The following CDK8 variants were observed in gnomAD, a reference collection of about 807,000 sequenced individuals.
CDK8 encodes cyclin dependent kinase 8.
Under a neutral mutation model 71.5 loss-of-function variants are expected in CDK8, and 29 were observed. The ratio of observed to expected loss-of-function variants is 0.41; its 90% CI spans 0.30 to 0.55. The LOEUF is 0.55. CDK8 is among the 20% of genes least tolerant of loss of function. The pLI is 0.37. For synonymous variants in CDK8, 161 were observed against 192.1 expected (o/e 0.84, Z 1.34); for missense variants, 288 against 572.6 (o/e 0.50, Z 5.07).
intron 1 of CDK8, among the ~76,000 whole-genome samples, chr13:26,320,610 A>G (rs1299892538): frequency 6.6e-6 from 1 of 152,168 alleles, no homozygotes; most frequent in Non-Finnish European, 1.5e-5. Context: ...ATGGGAGAAA[A>G]TATTTCCAAA....
chr13:26,330,401 CA>C (rs1875257625), intron 1 of CDK8, among the ~76,000 whole-genome samples: 1 of 152,122 alleles, frequency 6.6e-6, no homozygotes, highest in African/African-American at 2.4e-5. Flanking sequence ...GGCAGGGTTT[CA>C]CCATGTTGGC....
chr13:26,322,287 A>G (rs1874811137), intron 1 of CDK8, among the ~76,000 whole-genome samples: 1 of 152,186 alleles, frequency 6.6e-6, no homozygotes. Flanking sequence ...TCAAATAGAA[A>G]AGGTTAATAT....
chr13:26,372,725 TAA>T (rs1290951282), intron 4 of CDK8, among the ~76,000 whole-genome samples: 1 of 152,200 alleles, frequency 6.6e-6, no homozygotes, highest in African/African-American at 2.4e-5. Flanking sequence ...ACTGCTAATA[TAA>T]AGTCTCAGTT....
At chr13:26,390,663 T>G (rs1463317088) in intron 6 of CDK8, among the ~76,000 whole-genome samples, 1 of 152,220 alleles carries the variant, frequency 6.6e-6, no homozygotes, top group Non-Finnish European at 1.5e-5. Context: ...AATAGCTGCA[T>G]GGCCACTAAA....
intron 1 of CDK8, among the ~76,000 whole-genome samples, chr13:26,305,588 G>A (rs1310224125): frequency 6.6e-6 from 1 of 151,360 alleles, no homozygotes; most frequent in African/African-American, 2.4e-5. Flanking sequence ...ATGTATATTC[G>A]CCCTTCTTAT....
chr13:26,290,309 A>G (rs1873235171), intron 1 of CDK8, among the ~76,000 whole-genome samples: 1 of 152,210 alleles, frequency 6.6e-6, no homozygotes, highest in Non-Finnish European at 1.5e-5. Flanking sequence ...TTTATTATTA[A>G]TTTATCAAGC....
chr13:26,312,204 C>T (rs536584803), intron 1 of CDK8, among the ~76,000 whole-genome samples: 15 of 152,046 alleles, frequency 9.9e-5, no homozygotes, highest in Non-Finnish European at 1.9e-4. Context: ...GGATTGTAAA[C>T]GCACCAATCA....
chr13:26,285,144 C>T (rs1337580068), intron 1 of CDK8, among the ~76,000 whole-genome samples: 1 of 152,112 alleles, frequency 6.6e-6, no homozygotes, highest in African/African-American at 2.4e-5. Context: ...GAGGCTGAGG[C>T]AGGAGAATCG....
At chr13:26,302,234 G>C (rs140814761) in intron 1 of CDK8, among the ~76,000 whole-genome samples, 195 of 152,296 alleles carry the variant, frequency 1.3e-3, no homozygotes, top group African/African-American at 3.7e-3. Context: ...CTGAATTAAA[G>C]ACTTCAGTCG....
At chr13:26,280,573 A>G (rs1163927871) in intron 1 of CDK8, among the ~76,000 whole-genome samples, 1 of 152,240 alleles carries the variant, frequency 6.6e-6, no homozygotes, top group Non-Finnish European at 1.5e-5. Flanking sequence ...CTGAAAAATA[A>G]TGAATGTCAG....
chr13:26,362,620 T>C (rs1406450071), intron 4 of CDK8, among the ~76,000 whole-genome samples: 1 of 152,162 alleles, frequency 6.6e-6, no homozygotes. Context: ...CCTAATAAGA[T>C]GGTGTCCATC....
intron 1 of CDK8, among the ~76,000 whole-genome samples, chr13:26,300,703 A>G (rs1161767694): frequency 2.0e-5 from 3 of 152,198 alleles, no homozygotes; most frequent in African/African-American, 7.2e-5. Flanking sequence ...TTGAGGTACT[A>G]GTTGAGGACT....
intron 1 of CDK8, among the ~76,000 whole-genome samples, chr13:26,308,194 C>T (rs1345681657): frequency 6.6e-6 from 1 of 152,172 alleles, no homozygotes; most frequent in African/African-American, 2.4e-5. Flanking sequence ...AAAGTTCAGT[C>T]CCTCAGTCAC....
intron 1 of CDK8, among the ~76,000 whole-genome samples, chr13:26,330,672 C>T (rs959231258): frequency 2.6e-5 from 4 of 151,988 alleles, no homozygotes; most frequent in African/African-American, 9.7e-5. Context: ...TGAGAACGTG[C>T]AATATTTGTC....
At chr13:26,386,099 C>T (rs1275212832) in intron 6 of CDK8, among the ~76,000 whole-genome samples, 2 of 152,138 alleles carry the variant, frequency 1.3e-5, no homozygotes, top group Admixed American at 6.5e-5. Flanking sequence ...TCAGTTACCT[C>T]CCTATTATAA....
intron 1 of CDK8, among the ~76,000 whole-genome samples, chr13:26,316,358 GCAA>G (rs201883136): frequency 0.017 from 2,565 of 152,068 alleles, 35 homozygotes; most frequent in African/African-American, 0.033. Context: ...AGACCCTGTC[GCAA>G]CAACAACAAC....
rs557522660 is a variant in CDK8, at chr13:26,295,547, T to A, written c.128+40778T>A. Among the ~76,000 whole-genome samples the A allele has an allele frequency of 4.6e-5, 7 of 151,818 alleles. No homozygotes were observed. The South Asian group carries it at 1.5e-3, about 32-fold the overall frequency. On this transcript the variant is annotated intron_variant, in intron 1 of 12. Coordinates refer to ENST00000381527, the MANE Select transcript of CDK8 (RefSeq NM_001260.3). ...TAAATGAGTCTTGCAGAGTAAAGAG[T>A]CTTTGAAGAACTTTGTTGAATGAGT...
chr13:26,309,360 C>G (rs150854717), intron 1 of CDK8, among the ~76,000 whole-genome samples: 4 of 152,166 alleles, frequency 2.6e-5, no homozygotes, highest in African/African-American at 9.6e-5. Flanking sequence ...AGGATGGTCT[C>G]GATCTCCTGA....
At position 26,364,066 on chromosome 13, in the gene CDK8, GT is replaced by G. The variant is rs1874268583; in HGVS notation, c.456+10187del. ...TATTGTCTGCTCAACTCTACTACTA[GT>G]AAGTGGAAAAATTGAGAAGCAAAGA... On this transcript the variant is annotated intron_variant, in intron 4 of 12. Coordinates refer to ENST00000381527, the MANE Select transcript of CDK8 (RefSeq NM_001260.3). Among the ~76,000 whole-genome samples the G allele has an allele frequency of 2.0e-5, 3 of 152,246 alleles. No individual in the cohort carries two copies. The South Asian group carries it at 6.2e-4, about 32-fold the overall frequency.
Sources: gnomAD v4.1 joint callset for allele counts (sites outside exome capture counted in the v4.1 genomes callset) on GRCh38, gnomAD v4.1.1 for gene constraint, MANE v1.5 for transcripts, NCBI Gene and HGNC (gene_info 2026-07-23, HGNC 2026-07-21) for gene names.